The following EXOC5 variants were observed in gnomAD, a reference collection of about 807,000 sequenced individuals.
EXOC5 encodes exocyst complex component 5, also known as SEC10-like 1.
EXOC5 carries 17 observed loss-of-function variants against 90.8 expected under a neutral mutation model. That is an observed-to-expected ratio of 0.19 (90% confidence interval 0.13 to 0.28). EXOC5 has a LOEUF of 0.28. Ranked by LOEUF, EXOC5 falls within the 10% of genes least tolerant of loss-of-function variation. The probability of loss-of-function intolerance (pLI) is 1.00; values close to 1 mark genes in which losing one functional copy is unlikely to be tolerated. For missense variants in EXOC5, 569 were observed against 830.6 expected (o/e 0.69, Z 3.87); for synonymous variants, 260 against 270.0 (o/e 0.96, Z 0.36).
chr14:57,256,765 T>C (rs1158265132), intron 1 of EXOC5, among the ~76,000 whole-genome samples: 1 of 152,176 alleles, frequency 6.6e-6, no homozygotes. Flanking sequence ...ATGTGATCCA[T>C]ACCCAATGAC....
At chr14:57,223,027 C>T (rs909671743) in intron 12 of EXOC5, among the ~76,000 whole-genome samples, 3 of 151,898 alleles carry the variant, frequency 2.0e-5, no homozygotes, top group Non-Finnish European at 4.4e-5. Flanking sequence ...TTAAGTGAAC[C>T]TTTGAGATGT....
intron 12 of EXOC5, among the ~76,000 whole-genome samples, chr14:57,227,192 A>T (rs543818896): frequency 6.6e-6 from 1 of 152,310 alleles, no homozygotes; most frequent in East Asian, 1.9e-4. Flanking sequence ...GCACATGAAA[A>T]GATGCTCAAC....
chr14:57,241,387 T>C (rs1228618713), intron 4 of EXOC5, among the ~76,000 whole-genome samples: 3 of 152,176 alleles, frequency 2.0e-5, no homozygotes, highest in African/African-American at 4.8e-5. Context: ...ACCATGCCAT[T>C]TAGTTGTATT....
chr14:57,239,403 C>T, intron 5 of EXOC5, 192 bp downstream of exon 5: 1 of 421,364 alleles, frequency 2.4e-6, no homozygotes, highest in South Asian at 7.0e-5. Flanking sequence ...TAAGAAGAGA[C>T]TGTATTTTTT....
chr14:57,211,360 G>T (rs1882819877), intron 15 of EXOC5, among the ~76,000 whole-genome samples: 1 of 152,118 alleles, frequency 6.6e-6, no homozygotes, highest in Non-Finnish European at 1.5e-5. Context: ...GACTCTAAAT[G>T]TATTATTTTT....
intron 1 of EXOC5, among the ~76,000 whole-genome samples, chr14:57,248,978 G>A (rs1884106855): frequency 6.6e-6 from 1 of 152,054 alleles, no homozygotes; most frequent in African/African-American, 2.4e-5. Flanking sequence ...ATTGACTCAA[G>A]ATGAACTTAT....
chr14:57,228,983 G>A (rs770868341), intron 12 of EXOC5, among the ~76,000 whole-genome samples: 3 of 151,366 alleles, frequency 2.0e-5, no homozygotes, highest in East Asian at 1.9e-4. Context: ...TGACTTATCT[G>A]TTTATTTTGC....
At chr14:57,262,369 TGA>T (rs986983542) in intron 1 of EXOC5, among the ~76,000 whole-genome samples, 54 of 152,148 alleles carry the variant, frequency 3.5e-4, no homozygotes, top group African/African-American at 1.2e-3. Context: ...GAGGCAGAGC[TGA>T]GAGATGTCTT....
At chr14:57,256,740 G>A (rs1410072618) in intron 1 of EXOC5, among the ~76,000 whole-genome samples, 2 of 152,152 alleles carry the variant, frequency 1.3e-5, no homozygotes, top group Non-Finnish European at 2.9e-5. Flanking sequence ...TTCACCCAAT[G>A]TCATGTCTTT....
Position 57,201,439 on chromosome 14 carries a change from C to G in EXOC5, c.*7170G>C, listed in dbSNP as rs1416807610. The G allele has an allele frequency of 7.5e-6, 1 of 134,150 alleles. No individual in the cohort carries two copies. The allele number at this position is 134,150 out of a possible 1,614,324, so 8.3% of individuals were successfully genotyped here. A position where few individuals can be genotyped will look rare whatever the true frequency, so the allele number is the denominator to read the frequency against. On this transcript the variant is annotated 3_prime_UTR_variant, in exon 18 of 18. Coordinates refer to ENST00000621441, the MANE Select transcript of EXOC5 (RefSeq NM_006544.4). ...ATTAGTATATATATATACACACACA[C>G]ACGTGTGTATATATACACACGCGTG...
At chr14:57,232,823 T>C (rs1883526883) in intron 9 of EXOC5, 74 bp from the exon 10 acceptor site, 2 of 709,146 alleles carry the variant, frequency 2.8e-6, no homozygotes, top group Admixed American at 3.1e-5. Context: ...TATTTTTCTT[T>C]TAAAATTCAC....
At chr14:57,258,127 G>A (rs1884403604) in intron 1 of EXOC5, among the ~76,000 whole-genome samples, 2 of 152,102 alleles carry the variant, frequency 1.3e-5, no homozygotes, top group Non-Finnish European at 1.5e-5. Context: ...GTCATTGTGA[G>A]AGACAGTGTG....
chr14:57,234,133 A>C, intron 7 of EXOC5, 101 bp from the exon 8 acceptor site: 2 of 844,968 alleles, frequency 2.4e-6, no homozygotes, highest in Non-Finnish European at 3.7e-6. Flanking sequence ...ACTATTTACC[A>C]GTAAATGGCC....
chr14:57,265,572 A>T (rs1884647465), intron 1 of EXOC5, among the ~76,000 whole-genome samples: 1 of 152,142 alleles, frequency 6.6e-6, no homozygotes, highest in Non-Finnish European at 1.5e-5. Context: ...AAAATTTTTA[A>T]AAATCAGCTG....
intron 12 of EXOC5, among the ~76,000 whole-genome samples, chr14:57,225,734 G>C (rs1265359488): frequency 6.6e-6 from 1 of 152,146 alleles, no homozygotes; most frequent in Non-Finnish European, 1.5e-5. Flanking sequence ...ACAGTCTCAG[G>C]AGGTCCCGCC....
At chr14:57,237,306 TA>T (rs774658354) in intron 6 of EXOC5, 31 bp downstream of exon 6, 149 of 1,186,548 alleles carry the variant, frequency 1.3e-4, no homozygotes, top group African/African-American at 3.5e-4. Flanking sequence ...TTTTACTTAT[TA>T]AAAAAAAGGT....
chr14:57,242,006 G>T (rs975185866), intron 4 of EXOC5, among the ~76,000 whole-genome samples: 1 of 151,514 alleles, frequency 6.6e-6, no homozygotes, highest in African/African-American at 2.4e-5. Context: ...GGTGGCAGGC[G>T]CCTGTGGTCC....
chr14:57,216,842 G>A lies in EXOC5; in HGVS notation c.1613+1140C>T, dbSNP rs114706457. On this transcript the variant is annotated intron_variant, in intron 15 of 17. Transcript: ENST00000621441. The stretch of plus-strand genomic sequence containing the variant: ...GCAAAGAAAACCATCAACAGCCTAT[G>A]AAATGGAAGGAAATATTTGTAAACC... 2.3e-3 allele frequency among the ~76,000 whole-genome samples: 343 copies of A among 152,212 alleles called. 2 individuals carry two copies. Among genetic ancestry groups the A allele is most frequent in the African/African-American group, 7.7e-3 (321 of 41,570 alleles).
At position 57,201,017 on chromosome 14, in the gene EXOC5, G is replaced by C. The variant is rs1882482507; in HGVS notation, c.*7592C>G. ...TGTTGCAGAGGGGCGCATGGGTGTG[G>C]GTGTATATTTAAAATATGCGTGAGT... is the stretch of plus-strand genomic sequence containing the variant. On this transcript the variant is annotated 3_prime_UTR_variant, in exon 18 of 18. Coordinates refer to ENST00000621441, the MANE Select transcript of EXOC5 (RefSeq NM_006544.4). 6.6e-6 allele frequency: 1 copy of C among 151,912 alleles called. No individual in the cohort carries two copies. Among genetic ancestry groups the C allele is most frequent in the Non-Finnish European group, 1.5e-5 (1 of 67,992 alleles). The allele number at this position is 151,912 out of a possible 1,614,324, so 9.4% of individuals were successfully genotyped here. A position where few individuals can be genotyped will look rare whatever the true frequency, so the allele number is the denominator to read the frequency against.
Sources: gnomAD v4.1 joint callset for allele counts (sites outside exome capture counted in the v4.1 genomes callset) on GRCh38, gnomAD v4.1.1 for gene constraint, MANE v1.5 for transcripts, NCBI Gene and HGNC (gene_info 2026-07-23, HGNC 2026-07-21) for gene names.